The following POU5F1 variants were observed in gnomAD, a reference collection of about 807,000 sequenced individuals.
POU5F1 encodes the protein POU domain, class 5, transcription factor 1.
POU5F1 carries 6 observed loss-of-function variants against 38.3 expected under a neutral mutation model. The observed-to-expected ratio is 0.16, with a 90% CI of 0.09 to 0.31. The LOEUF is 0.31. POU5F1 is among the 10% of genes least tolerant of loss of function. The pLI is 1.00. For synonymous variants in POU5F1, 147 were observed against 194.9 expected, an observed-to-expected ratio of 0.75 and a Z score of 2.05; for missense variants, 286 against 462.6, an observed-to-expected ratio of 0.62 and a Z score of 3.50.
rs752871883 is a variant in POU5F1, at chr6:31,165,949, C to T, written c.504G>A (p.Gly168=). The T allele has an allele frequency of 6.2e-7, 1 of 1,614,166 alleles. No individual in the cohort carries two copies. Among genetic ancestry groups the T allele is most frequent in the Non-Finnish European group, 8.5e-7 (1 of 1,180,026 alleles). ...CACCAAATAGAACCCCCAGGGTGAG[C>T]CCCACATCGGCCTGTGTATATCCCA... is the stretch of plus-strand genomic sequence containing the variant. ...ITLGYTQADV[G]LTLGVLFGKV... Residue 168 remains glycine (G), a synonymous_variant, in exon 2 of 5, where the codon GGG becomes GGA. Coordinates refer to ENST00000259915, the MANE Select transcript of POU5F1 (RefSeq NM_002701.6). The surrounding 1 kb of genome is among the most constrained non-coding windows in gnomAD (Gnocchi z 6.5).
intron 1 of POU5F1, 104 bp from the exon 2 acceptor site, chr6:31,166,151 A>G: frequency 1.2e-6 from 2 of 1,612,150 alleles, no homozygotes; most frequent in Non-Finnish European, 1.7e-6. Flanking sequence ...CCCAAGGAAT[A>G]GTCTGTAGAA....
At chr6:31,166,497 A>G (rs1167617089) in intron 1 of POU5F1, 1 of 1,149,760 alleles carries the variant, frequency 8.7e-7, no homozygotes, top group Admixed American at 3.1e-5. Context: ...CGTCTCTACT[A>G]AAAACACAAA....
At chr6:31,169,348 C>A (rs534145533) in intron 1 of POU5F1, among the ~76,000 whole-genome samples, 1 of 152,150 alleles carries the variant, frequency 6.6e-6, no homozygotes, top group South Asian at 2.1e-4. Flanking sequence ...GGTCTCAAGG[C>A]TTAGTATTTA....
chr6:31,169,525 GTCAA>G (rs1777512056), intron 1 of POU5F1, among the ~76,000 whole-genome samples: 1 of 152,138 alleles, frequency 6.6e-6, no homozygotes, highest in Admixed American at 6.5e-5. Flanking sequence ...TGAGGCTGAA[GTCAA>G]TCAAAATCCA....
intron 1 of POU5F1, chr6:31,169,961 C>T: frequency 1.6e-6 from 1 of 608,220 alleles, no homozygotes; most frequent in African/African-American, 1.8e-5. Context: ...CAGCCTGGGC[C>T]AGCTTCCGAC....
In POU5F1 at chr6:31,165,813, C is replaced by G; in HGVS notation, c.527-112G>C. On this transcript the variant is annotated intron_variant, in intron 2 of 4. Transcript: ENST00000259915. This position sits in a 1 kb window ranked among gnomAD's most constrained non-coding sequence, Gnocchi z 6.5. ...CAGAGGGAGCTCAAAGCATCTTCTC[C>G]CTCTCCCTACTCCTCTTCATGGGTG... The G allele has an allele frequency of 6.4e-7, 1 of 1,556,608 alleles. No individual in the cohort carries two copies. Among genetic ancestry groups the G allele is most frequent in the Non-Finnish European group, 8.7e-7 (1 of 1,149,630 alleles).
intron 4 of POU5F1, 63 bp from the exon 5 acceptor site, chr6:31,164,930 G>A: frequency 6.3e-7 from 1 of 1,575,762 alleles, no homozygotes; most frequent in Non-Finnish European, 8.6e-7. Context: ...GCCTGACTCT[G>A]CTTGGACATT....
chr6:31,165,424 G>C lies in POU5F1; in HGVS notation c.658-138C>G. On this transcript the variant is annotated intron_variant, in intron 3 of 4. Transcript: ENST00000259915. This position sits in a 1 kb window ranked among gnomAD's most constrained non-coding sequence, Gnocchi z 6.5. ...CAGGATCCTGGAAGGGTTGGCTCTG[G>C]ACCTTATCCCAGCAGAACTGAGGAA... The C allele has an allele frequency of 6.4e-7, 1 of 1,565,158 alleles. No individual in the cohort carries two copies. The highest frequency in any genetic ancestry group is 8.7e-7 in the Non-Finnish European group (1 of 1,152,816).
At chr6:31,166,980 G>C (rs1166012936) in intron 1 of POU5F1, 1 of 929,784 alleles carries the variant, frequency 1.1e-6, no homozygotes, top group Non-Finnish European at 1.6e-6. Flanking sequence ...CATCTTTACT[G>C]TATCTTTTTC....
At position 31,165,415 on chromosome 6, in the gene POU5F1, T is replaced by C. The variant is rs375526814; in HGVS notation, c.658-129A>G. The C allele has an allele frequency of 1.1e-5, 17 of 1,561,620 alleles. No homozygotes were observed. Among genetic ancestry groups the C allele is most frequent in the African/African-American group, 9.5e-5 (7 of 73,870 alleles). On this transcript the variant is annotated intron_variant, in intron 3 of 4. Coordinates refer to ENST00000259915, the MANE Select transcript of POU5F1 (RefSeq NM_002701.6). The surrounding 1 kb of genome is among the most constrained non-coding windows in gnomAD (Gnocchi z 6.5). Reference sequence around the variant, plus strand: ...GTGAAAAGGCAGGATCCTGGAAGGGTTGGCTCTGGACCTTATCCCAGCAGA... The same window carrying C: ...GTGAAAAGGCAGGATCCTGGAAGGGCTGGCTCTGGACCTTATCCCAGCAGA...
intron 1 of POU5F1, chr6:31,166,436 A>T: frequency 7.4e-7 from 1 of 1,356,714 alleles, no homozygotes; most frequent in Non-Finnish European, 9.7e-7. Context: ...CGAGGTGGGC[A>T]GATCACGAGG....
At chr6:31,170,062 CA>C in intron 1 of POU5F1, 153 bp downstream of exon 1, 1 of 1,238,160 alleles carries the variant, frequency 8.1e-7, no homozygotes, top group East Asian at 2.5e-5. Context: ...GGGCTGCCAG[CA>C]GTTGATACAC....
intron 1 of POU5F1, chr6:31,166,585 G>C (rs1777276066): frequency 9.9e-7 from 1 of 1,005,464 alleles, no homozygotes; most frequent in Admixed American, 3.6e-5. Context: ...CTTGAACCCG[G>C]GAGGCGGAGG....
At chr6:31,166,143 C>T (rs777447714) in intron 1 of POU5F1, 96 bp from the exon 2 acceptor site, 1 of 1,613,136 alleles carries the variant, frequency 6.2e-7, no homozygotes, top group Non-Finnish European at 8.5e-7. Flanking sequence ...CGTGTGGCCC[C>T]AAGGAATAGT....
At chr6:31,166,070 C>T in intron 1 of POU5F1, 23 bp from the exon 2 acceptor site, 1 of 1,614,212 alleles carries the variant, frequency 6.2e-7, no homozygotes, top group African/African-American at 1.3e-5. Context: ...AGGCAGAAGA[C>T]TTGTAAGAAC....
In POU5F1 at chr6:31,165,036, C is replaced by T. The variant is rs1777111890; in HGVS notation, c.816+92G>A. 1.3e-6 allele frequency: 2 copies of T among 1,557,398 alleles called. No homozygotes were observed. On this transcript the variant is annotated intron_variant, in intron 4 of 4. Coordinates refer to ENST00000259915, the MANE Select transcript of POU5F1 (RefSeq NM_002701.6). This position sits in a 1 kb window ranked among gnomAD's most constrained non-coding sequence, Gnocchi z 6.5. ...GCTTGGACATTCTGTCCAAAGCCAACAGCCCTAGAGCAGTTGGAGGAGCCA... is the reference window on the plus strand; with the variant it reads ...GCTTGGACATTCTGTCCAAAGCCAATAGCCCTAGAGCAGTTGGAGGAGCCA...
chr6:31,165,717 CAA>C lies in POU5F1; in HGVS notation c.527-18_527-17del. 1 of 1,604,776 alleles carries C rather than the reference CAA, an allele frequency of 6.2e-7. No homozygotes were observed. The highest frequency in any genetic ancestry group is 8.5e-7 in the Non-Finnish European group (1 of 1,175,298). ...AATACCTTCCCTGGGGGAGGCCAGT[CAA>C]AAGAGAAGCAAAGTGAGGGAGCACG... On this transcript the variant is annotated splice_polypyrimidine_tract_variant and intron_variant, in intron 2 of 4. Transcript: ENST00000259915. This position sits in a 1 kb window ranked among gnomAD's most constrained non-coding sequence, Gnocchi z 6.5.
rs1001547868 is a variant in POU5F1, at chr6:31,165,347, C to T, written c.658-61G>A. 1.9e-6 allele frequency: 3 copies of T among 1,584,786 alleles called. No homozygotes were observed. The highest frequency in any genetic ancestry group is 2.3e-5 in the East Asian group (1 of 43,968). ...TTGGACTTGCTGAGTAACAGCATCA[C>T]AGGGGTCTGTGACTAGATGTGTCAG... On this transcript the variant is annotated intron_variant, in intron 3 of 4. Transcript: ENST00000259915. This position sits in a 1 kb window ranked among gnomAD's most constrained non-coding sequence, Gnocchi z 6.5.
chr6:31,166,063 C>G lies in POU5F1; in HGVS notation c.406-16G>C, dbSNP rs1355465893. 2.5e-6 allele frequency: 4 copies of G among 1,614,208 alleles called. No individual in the cohort carries two copies. Among genetic ancestry groups the G allele is most frequent in the Middle Eastern group, 1.6e-4 (1 of 6,062 alleles). ...TGTCCTGGGACTGGATTTTAAAAGG[C>G]AGAAGACTTGTAAGAACATAAACAC... On this transcript the variant is annotated splice_polypyrimidine_tract_variant and intron_variant, in intron 1 of 4. Transcript: ENST00000259915.
Sources: gnomAD v4.1 joint callset for allele counts (sites outside exome capture counted in the v4.1 genomes callset) on GRCh38, gnomAD v4.1.1 for gene constraint, Gnocchi (gnomAD v3.1) non-coding constraint, MANE v1.5 for transcripts, NCBI Gene and HGNC (gene_info 2026-07-23, HGNC 2026-07-21) for gene names.